The following STAT4 variants were observed in gnomAD, a reference collection of about 807,000 sequenced individuals.
STAT4 encodes the protein signal transducer and activator of transcription 4.
A neutral mutation model predicts 110.5 loss-of-function variants in STAT4; 42 were observed. The ratio of observed to expected loss-of-function variants is 0.38; its 90% confidence interval spans 0.30 to 0.49. The LOEUF (loss-of-function observed/expected upper bound fraction) is 0.49, where lower values mean the gene tolerates loss of function less well. Among genes scored for constraint, STAT4 ranks in the 20% least tolerant of loss-of-function variants. The pLI is 0.95. For synonymous variants in STAT4, 284 were observed against 302.2 expected (o/e 0.94, Z 0.63); for missense variants, 632 against 887.9 (o/e 0.71, Z 3.66).
intron 8 of STAT4, 94 bp from the exon 9 acceptor site, chr2:191,063,014 A>T (rs1189177656): frequency 2.2e-6 from 2 of 903,706 alleles, no homozygotes; most frequent in East Asian, 6.1e-5. Flanking sequence ...ACATTAAATT[A>T]TTAAGTAATT....
At position 191,119,288 on chromosome 2, in the gene STAT4, T is replaced by G. The variant is rs574100711; in HGVS notation, c.273+27325A>C. On this transcript the variant is annotated intron_variant, in intron 3 of 23. Coordinates refer to ENST00000392320, the MANE Select transcript of STAT4 (RefSeq NM_003151.4). ...GGGTCATTCTTTGCCCTTTGACTTC[T>G]TGCTGGTTGATCAGAATATAGGAGA... Among the ~76,000 whole-genome samples, 164 of 152,356 alleles carry G rather than the reference T, an allele frequency of 1.1e-3. 4 individuals are homozygous for G. The South Asian group carries it at 0.033, about 30-fold the overall frequency.
At position 191,033,814 on chromosome 2, in the gene STAT4, A is replaced by C; in HGVS notation, c.1715+97T>G. ...AATTGCAACTATTTTTTTCTGTGGT[A>C]CTAAACATGCTTAAGAGAAAAAGAA... On this transcript the variant is annotated intron_variant, in intron 19 of 23. Coordinates refer to ENST00000392320, the MANE Select transcript of STAT4 (RefSeq NM_003151.4). This position sits in a 1 kb window ranked among gnomAD's most constrained non-coding sequence, Gnocchi z 6.9. 7.4e-7 allele frequency: 1 copy of C among 1,353,798 alleles called. No homozygotes were observed. The highest frequency in any genetic ancestry group is 1.0e-6 in the Non-Finnish European group (1 of 985,120). The allele number at this position is 1,353,798 out of a possible 1,614,324, so 83.9% of individuals were successfully genotyped here.
chr2:191,145,766 A>G (rs1161092919), intron 3 of STAT4, among the ~76,000 whole-genome samples: 1 of 152,226 alleles, frequency 6.6e-6, no homozygotes, highest in Non-Finnish European at 1.5e-5. Context: ...GTCTCCATGA[A>G]GAATGGCACA....
rs1472920607 is a variant in STAT4, at chr2:191,142,034, T to C, written c.273+4579A>G. ...TGGAAATGTCTCAAAAAACTAAAAA[T>C]ATAACTACTATAGGCTCCAGCAATC... is the stretch of plus-strand genomic sequence containing the variant. On this transcript the variant is annotated intron_variant, in intron 3 of 23. Coordinates refer to ENST00000392320, the MANE Select transcript of STAT4 (RefSeq NM_003151.4). The surrounding 1 kb of genome is among the most constrained non-coding windows in gnomAD (Gnocchi z 4.1). Among the ~76,000 whole-genome samples the C allele has an allele frequency of 2.0e-5, 3 of 152,004 alleles. No homozygotes were observed. Among genetic ancestry groups the C allele is most frequent in the African/African-American group, 2.4e-5 (1 of 41,398 alleles).
At chr2:191,106,147 T>C (rs1242058574) in intron 3 of STAT4, among the ~76,000 whole-genome samples, 1 of 152,202 alleles carries the variant, frequency 6.6e-6, no homozygotes, top group East Asian at 1.9e-4. Flanking sequence ...ATTTTTCTGT[T>C]CTGTTGTCAG....
In STAT4 at chr2:191,033,284, C is replaced by T; in HGVS notation, c.1853-135G>A. On this transcript the variant is annotated intron_variant, in intron 20 of 23. Transcript: ENST00000392320. This position sits in a 1 kb window ranked among gnomAD's most constrained non-coding sequence, Gnocchi z 6.9. ...TGTCACTTCAATGTCAGACCTTCTG[C>T]TGTCTGGACAGTATAGATTGTGCAT... 1 of 1,145,918 alleles carries T rather than the reference C, an allele frequency of 8.7e-7. No individual in the cohort carries two copies. The highest frequency in any genetic ancestry group is 1.2e-6 in the Non-Finnish European group (1 of 817,354). The allele number at this position is 1,145,918 out of a possible 1,614,324, so 71.0% of individuals were successfully genotyped here.
intron 3 of STAT4, among the ~76,000 whole-genome samples, chr2:191,101,898 A>G (rs889488362): frequency 2.6e-5 from 4 of 152,236 alleles, no homozygotes; most frequent in African/African-American, 9.6e-5. Flanking sequence ...GGACTAAATT[A>G]ATGTCAGCTA....
chr2:191,125,152 T>C (rs935208153), intron 3 of STAT4, among the ~76,000 whole-genome samples: 10 of 152,244 alleles, frequency 6.6e-5, no homozygotes, highest in Non-Finnish European at 1.5e-4. Flanking sequence ...CCTGGTAAGC[T>C]GTGAAAGGCA....
At chr2:191,079,065 T>C (rs1359405640) in intron 3 of STAT4, among the ~76,000 whole-genome samples, 1 of 152,114 alleles carries the variant, frequency 6.6e-6, no homozygotes, top group African/African-American at 2.4e-5. Flanking sequence ...CAAGTGTTCC[T>C]TTGTGGGTGG....
At chr2:191,125,114 A>T in intron 3 of STAT4, among the ~76,000 whole-genome samples, 1 of 152,348 alleles carries the variant, frequency 6.6e-6, no homozygotes, top group Middle Eastern at 3.4e-3. Context: ...TATTTCTAAC[A>T]TAAATCTTGA....
chr2:191,145,123 C>T lies in STAT4; in HGVS notation c.273+1490G>A, dbSNP rs1336899166. Among the ~76,000 whole-genome samples the T allele has an allele frequency of 2.6e-5, 4 of 152,042 alleles. No homozygotes were observed. The East Asian group carries it at 7.7e-4, about 29-fold the overall frequency. On this transcript the variant is annotated intron_variant, in intron 3 of 23. Transcript: ENST00000392320. ...TATGTAAATATGAGACACATATATA[C>T]ACACATATATAATACACACACATAT...
chr2:191,111,918 A>G (rs1360092520), intron 3 of STAT4, among the ~76,000 whole-genome samples: 2 of 152,128 alleles, frequency 1.3e-5, no homozygotes, highest in African/African-American at 4.8e-5. Flanking sequence ...ACTCTAGAAA[A>G]TGCACCCTAA....
chr2:191,073,632 T>C (rs959868302), intron 4 of STAT4, among the ~76,000 whole-genome samples: 13 of 152,230 alleles, frequency 8.5e-5, no homozygotes, highest in African/African-American at 1.7e-4. Context: ...AGAGGTTGCA[T>C]TGAGCTGAGA....
At chr2:191,044,608 C>T (rs1235972504) in intron 14 of STAT4, among the ~76,000 whole-genome samples, 1 of 151,954 alleles carries the variant, frequency 6.6e-6, no homozygotes. Context: ...GTGGGACTCC[C>T]TAGGATAACG....
At position 191,086,205 on chromosome 2, in the gene STAT4, A is replaced by G. The variant is rs143400605; in HGVS notation, c.274-9880T>C. On this transcript the variant is annotated intron_variant, in intron 3 of 23. Coordinates refer to ENST00000392320, the MANE Select transcript of STAT4 (RefSeq NM_003151.4). The surrounding 1 kb of genome is among the most constrained non-coding windows in gnomAD (Gnocchi z 5.5). The stretch of plus-strand genomic sequence containing the variant: ...TTGGGATTGATGTACAGAGCCCATA[A>G]AAGCCCTTTGGAAAAACTGGCCTTC... 2.0e-5 allele frequency among the ~76,000 whole-genome samples: 3 copies of G among 152,290 alleles called. No homozygotes were observed. Among genetic ancestry groups the G allele is most frequent in the East Asian group, 1.9e-4 (1 of 5,182 alleles).
rs906819966 is a variant in STAT4, at chr2:191,090,221, G to C, written c.274-13896C>G. Among the ~76,000 whole-genome samples, 1 of 151,998 alleles carries C rather than the reference G, an allele frequency of 6.6e-6. No homozygotes were observed. The highest frequency in any genetic ancestry group is 2.4e-5 in the African/African-American group (1 of 41,384). On this transcript the variant is annotated intron_variant, in intron 3 of 23. Transcript: ENST00000392320. This position sits in a 1 kb window ranked among gnomAD's most constrained non-coding sequence, Gnocchi z 4.2. ...TCAATTTTTCTGTAAACCAAAGATTGCTCTAAAAAACAAATCCTTTTTATT... is the reference window on the plus strand; with the variant it reads ...TCAATTTTTCTGTAAACCAAAGATTCCTCTAAAAAACAAATCCTTTTTATT...
chr2:191,039,142 T>C lies in STAT4; in HGVS notation c.1434+57A>G, dbSNP rs1574698385. The C allele has an allele frequency of 1.3e-6, 2 of 1,499,082 alleles. No homozygotes were observed. The highest frequency in any genetic ancestry group is 1.9e-6 in the Non-Finnish European group (2 of 1,075,230). The allele number at this position is 1,499,082 out of a possible 1,614,324, so 92.9% of individuals were successfully genotyped here. A position where few individuals can be genotyped will look rare whatever the true frequency, so the allele number is the denominator to read the frequency against. Reference sequence around the variant, plus strand: ...ACATGTTTTGATGCAGATGTGTTTGTTGGCAATAAAACAAATCGAATAGCA... The same window carrying C: ...ACATGTTTTGATGCAGATGTGTTTGCTGGCAATAAAACAAATCGAATAGCA... On this transcript the variant is annotated intron_variant, in intron 16 of 23. Transcript: ENST00000392320. This position sits in a 1 kb window ranked among gnomAD's most constrained non-coding sequence, Gnocchi z 4.7.
At chr2:191,118,936 T>C (rs1312988789) in intron 3 of STAT4, among the ~76,000 whole-genome samples, 1 of 152,146 alleles carries the variant, frequency 6.6e-6, no homozygotes, top group Non-Finnish European at 1.5e-5. Context: ...GTTTTTCTAA[T>C]TTTTGTTTTT....
In STAT4 at chr2:191,144,726, T is replaced by C. The variant is rs1699418950; in HGVS notation, c.273+1887A>G. Among the ~76,000 whole-genome samples, 1 of 152,144 alleles carries C rather than the reference T, an allele frequency of 6.6e-6. No individual in the cohort carries two copies. The highest frequency in any genetic ancestry group is 1.5e-5 in the Non-Finnish European group (1 of 68,026). ...TCCAGCCCACAAAAGATGGGTTGTT[T>C]TCTTACCCCTGATTTACACTGAGAA... On this transcript the variant is annotated intron_variant, in intron 3 of 23. Coordinates refer to ENST00000392320, the MANE Select transcript of STAT4 (RefSeq NM_003151.4). The surrounding 1 kb of genome is among the most constrained non-coding windows in gnomAD (Gnocchi z 4.7).
Sources: gnomAD v4.1 joint callset for allele counts (sites outside exome capture counted in the v4.1 genomes callset) on GRCh38, gnomAD v4.1.1 for gene constraint, Gnocchi (gnomAD v3.1) non-coding constraint, MANE v1.5 for transcripts, NCBI Gene and HGNC (gene_info 2026-07-23, HGNC 2026-07-21) for gene names.